The following ADARB2 variants were observed in gnomAD, a reference collection of about 807,000 sequenced individuals.
ADARB2 encodes adenosine deaminase RNA specific B2 (inactive), also known as inactive double-stranded RNA-specific editase B2.
Under a neutral mutation model 62.2 loss-of-function variants are expected in ADARB2, and 25 were observed. The ratio of observed to expected loss-of-function variants is 0.40; its 90% CI spans 0.29 to 0.56. The LOEUF is 0.56. ADARB2 is among the 20% of genes least tolerant of loss of function. The pLI is 0.43. For missense variants in ADARB2, 1,071 were observed against 1,077.4 expected (o/e 0.99, Z 0.08); for synonymous variants, 572 against 500.8 (o/e 1.14, Z -1.90).
intron 2 of ADARB2, 67 bp from the exon 3 acceptor site, chr10:1,363,984 A>T (rs1176334175): frequency 1.5e-5 from 21 of 1,402,960 alleles, no homozygotes; most frequent in Non-Finnish European, 1.9e-5. Context: ...CACAGCAGGC[A>T]CTCCCTGAGG....
chr10:1,561,831 C>T lies in ADARB2; in HGVS notation c.100+175220G>A, dbSNP rs78506205. Among the ~76,000 whole-genome samples the T allele has an allele frequency of 8.9e-3, 1,353 of 152,358 alleles. 15 individuals carry two copies. The highest frequency in any genetic ancestry group is 0.031 in the African/African-American group (1,293 of 41,578). On this transcript the variant is annotated intron_variant, in intron 1 of 9. Transcript: ENST00000381312. Reference sequence around the variant, plus strand: ...CTAGAGCCGCTTTCCCCAGCACCGCCGCTCCCTCGGCAGCCACTTCATGCT... The same window carrying T: ...CTAGAGCCGCTTTCCCCAGCACCGCTGCTCCCTCGGCAGCCACTTCATGCT...
intron 4 of ADARB2, among the ~76,000 whole-genome samples, chr10:1,261,267 C>A (rs912237660): frequency 1.3e-5 from 2 of 150,100 alleles, no homozygotes; most frequent in Non-Finnish European, 3.0e-5. Flanking sequence ...TCCAAAACAC[C>A]AACAGCAATG....
intron 4 of ADARB2, among the ~76,000 whole-genome samples, chr10:1,269,082 G>C (rs1298995224): frequency 6.6e-6 from 1 of 152,162 alleles, no homozygotes; most frequent in Non-Finnish European, 1.5e-5. Flanking sequence ...AAGGAAGCCA[G>C]GGTGGCTGGT....
intron 1 of ADARB2, among the ~76,000 whole-genome samples, chr10:1,469,828 G>C (rs185994021): frequency 6.6e-6 from 1 of 152,226 alleles, no homozygotes; most frequent in Non-Finnish European, 1.5e-5. Flanking sequence ...TCCATGGCAG[G>C]TGCATTGCAC....
At chr10:1,324,384 G>C (rs1421519707) in intron 3 of ADARB2, among the ~76,000 whole-genome samples, 1 of 152,144 alleles carries the variant, frequency 6.6e-6, no homozygotes, top group Non-Finnish European at 1.5e-5. Flanking sequence ...AAACTCTTGG[G>C]CATTTACCCC....
chr10:1,328,015 TG>T (rs1348592599), intron 3 of ADARB2, among the ~76,000 whole-genome samples: 11 of 84,708 alleles, frequency 1.3e-4, no homozygotes, highest in Non-Finnish European at 2.4e-4. Context: ...CTCCGCATTC[TG>T]GGGGCACGGA....
At chr10:1,201,988 C>CA (rs1453981795) in intron 7 of ADARB2, among the ~76,000 whole-genome samples, 1 of 152,134 alleles carries the variant, frequency 6.6e-6, no homozygotes, top group African/African-American at 2.4e-5. Flanking sequence ...TCTTCAGAGT[C>CA]AATCTTTTCC....
At chr10:1,483,238 T>C (rs1212710823) in intron 1 of ADARB2, among the ~76,000 whole-genome samples, 2 of 152,232 alleles carry the variant, frequency 1.3e-5, no homozygotes, top group Non-Finnish European at 2.9e-5. Flanking sequence ...CTGAGAATAA[T>C]AGTACATTTC....
chr10:1,569,016 G>A (rs1259940724), intron 1 of ADARB2, among the ~76,000 whole-genome samples: 1 of 152,114 alleles, frequency 6.6e-6, no homozygotes, highest in Non-Finnish European at 1.5e-5. Context: ...GAGAGACACA[G>A]AGAGACAGAG....
At chr10:1,604,855 T>C (rs886512210) in intron 1 of ADARB2, among the ~76,000 whole-genome samples, 4 of 152,204 alleles carry the variant, frequency 2.6e-5, no homozygotes, top group Non-Finnish European at 5.9e-5. Context: ...TGAGGACGTC[T>C]GTGTGCATGA....
chr10:1,377,772 G>A (rs930974474), intron 2 of ADARB2, among the ~76,000 whole-genome samples: 3 of 152,062 alleles, frequency 2.0e-5, no homozygotes, highest in Admixed American at 6.5e-5. Flanking sequence ...CTCCTTCCAC[G>A]TCTAGAAGAG....
intron 6 of ADARB2, among the ~76,000 whole-genome samples, chr10:1,231,610 G>T (rs1387959215): frequency 1.3e-5 from 2 of 152,178 alleles, no homozygotes; most frequent in African/African-American, 4.8e-5. Flanking sequence ...ACTGCAGGAA[G>T]TTCCTTTAAA....
intron 5 of ADARB2, chr10:1,240,588 C>T (rs1830909058): frequency 6.6e-6 from 1 of 152,456 alleles, no homozygotes; most frequent in Non-Finnish European, 1.5e-5. Flanking sequence ...CCCCCAGGAC[C>T]CTTGGCAAAT....
chr10:1,396,764 G>A (rs1186196774), intron 1 of ADARB2, among the ~76,000 whole-genome samples: 1 of 53,816 alleles, frequency 1.9e-5, no homozygotes, highest in Non-Finnish European at 3.7e-5. Flanking sequence ...CAGGCTTCCT[G>A]GGTCACTGTC....
intron 6 of ADARB2, among the ~76,000 whole-genome samples, chr10:1,226,995 C>T (rs1296164109): frequency 6.6e-6 from 1 of 152,272 alleles, no homozygotes; most frequent in Non-Finnish European, 1.5e-5. Context: ...TCCCTGCCCC[C>T]AGAGGTGGAG....
chr10:1,591,851 G>A (rs1833260592), intron 1 of ADARB2, among the ~76,000 whole-genome samples: 1 of 152,160 alleles, frequency 6.6e-6, no homozygotes, highest in Non-Finnish European at 1.5e-5. Flanking sequence ...GTGTAGCGCT[G>A]GTATCTTGTA....
intron 3 of ADARB2, among the ~76,000 whole-genome samples, chr10:1,281,734 C>T (rs1402451166): frequency 6.6e-6 from 1 of 152,224 alleles, no homozygotes; most frequent in Non-Finnish European, 1.5e-5. Context: ...TCTCGCTACA[C>T]TCCTAAGCCC....
At chr10:1,227,963 T>A (rs1830763518) in intron 6 of ADARB2, among the ~76,000 whole-genome samples, 1 of 152,192 alleles carries the variant, frequency 6.6e-6, no homozygotes, top group Non-Finnish European at 1.5e-5. Context: ...GATGCTGGAT[T>A]ATAAGGCCAT....
At chr10:1,303,308 C>G (rs987606218) in intron 3 of ADARB2, among the ~76,000 whole-genome samples, 2 of 151,744 alleles carry the variant, frequency 1.3e-5, no homozygotes, top group Non-Finnish European at 2.9e-5. Context: ...TGAAATGAAG[C>G]GAGAAGGAAA....
Sources: gnomAD v4.1 joint callset for allele counts (sites outside exome capture counted in the v4.1 genomes callset) on GRCh38, gnomAD v4.1.1 for gene constraint, MANE v1.5 for transcripts, NCBI Gene and HGNC (gene_info 2026-07-23, HGNC 2026-07-21) for gene names.